Variants in RBM6 observed in about 807,000 individuals in gnomAD.
RBM6 encodes RNA-binding protein 6.
RBM6 carries 23 observed loss-of-function variants against 140.4 expected under a neutral mutation model. The ratio of observed to expected loss-of-function variants is 0.16; its 90% confidence interval spans 0.12 to 0.23. The LOEUF is 0.23. Among genes scored for constraint, RBM6 ranks in the 10% least tolerant of loss-of-function variants. RBM6 has a pLI of 1.00. For synonymous variants in RBM6, 439 were observed against 475.6 expected, an observed-to-expected ratio of 0.92 and a Z score of 1.00; for missense variants, 1,139 against 1,386.7, an observed-to-expected ratio of 0.82 and a Z score of 2.84.
chr3:50,021,102 AG>A (rs1341975517), intron 6 of RBM6, among the ~76,000 whole-genome samples: 1 of 152,168 alleles, frequency 6.6e-6, no homozygotes, highest in African/African-American at 2.4e-5. Context: ...AAACTGGAAA[AG>A]GTATGTTTTA....
intron 13 of RBM6, 55 bp downstream of exon 13, chr3:50,061,276 T>G: frequency 6.2e-7 from 1 of 1,611,396 alleles, no homozygotes. Context: ...TTGCTACTCA[T>G]TACTTGACAT....
chr3:50,063,643 G>A (rs1052805990), intron 15 of RBM6, among the ~76,000 whole-genome samples: 4 of 151,410 alleles, frequency 2.6e-5, no homozygotes, highest in African/African-American at 9.7e-5. Context: ...GCTCATGCCT[G>A]TAATCCCAGC....
chr3:50,006,426 G>T (rs1438454766), intron 6 of RBM6, among the ~76,000 whole-genome samples: 2 of 152,044 alleles, frequency 1.3e-5, no homozygotes, highest in Non-Finnish European at 2.9e-5. Context: ...GTGAGCCACT[G>T]TGCCCAGCCC....
In RBM6 at chr3:49,955,860, CTGTG is replaced by C. The variant is rs146300035; in HGVS notation, c.-66-6694_-66-6691del. ...TCTCTCTGTGTCTCTCTCTCTCTCT[CTGTG>C]TGTGTGTGTGTGTGTGTGTGTATAT... On this transcript the variant is annotated intron_variant, in intron 1 of 20. Coordinates refer to ENST00000266022, the MANE Select transcript of RBM6 (RefSeq NM_005777.3). Among the ~76,000 whole-genome samples, 171 of 145,572 alleles carry C rather than the reference CTGTG, an allele frequency of 1.2e-3. 1 individual carries two copies. Among genetic ancestry groups the C allele is most frequent in the Admixed American group, 1.9e-3 (27 of 14,192 alleles).
intron 6 of RBM6, among the ~76,000 whole-genome samples, chr3:50,025,627 G>A: frequency 1.1e-5 from 1 of 94,172 alleles, no homozygotes; most frequent in Non-Finnish European, 2.2e-5. Context: ...GTGTCACTAT[G>A]TTGCCCAGGC....
chr3:50,048,046 C>G (rs971462288), intron 6 of RBM6, among the ~76,000 whole-genome samples, 199 bp from the exon 7 acceptor site: 1 of 152,182 alleles, frequency 6.6e-6, no homozygotes, highest in African/African-American at 2.4e-5. Context: ...TCTCGTACTC[C>G]CCTTTCCTAA....
At chr3:50,061,033 A>T in intron 12 of RBM6, 35 bp downstream of exon 12, 1 of 1,598,624 alleles carries the variant, frequency 6.3e-7, no homozygotes, top group Non-Finnish European at 8.5e-7. Context: ...CTCTATTAAA[A>T]TCCTCAGGTG....
chr3:50,023,659 T>G (rs944858007), intron 6 of RBM6, among the ~76,000 whole-genome samples: 1 of 148,758 alleles, frequency 6.7e-6, no homozygotes, highest in Admixed American at 6.7e-5. Flanking sequence ...TTGGTGATTT[T>G]TTTTTTTTTT....
intron 16 of RBM6, chr3:50,065,529 T>C (rs1172575928): frequency 4.4e-6 from 2 of 458,578 alleles, no homozygotes; most frequent in African/African-American, 4.0e-5. Flanking sequence ...TTTTTTATAG[T>C]TTCTGCCTGT....
chr3:50,003,927 T>C (rs1329284311), intron 6 of RBM6, among the ~76,000 whole-genome samples: 3 of 152,246 alleles, frequency 2.0e-5, no homozygotes, highest in Non-Finnish European at 4.4e-5. Flanking sequence ...TCATATGCCC[T>C]TGGCTTTCTT....
At chr3:50,007,464 G>A (rs558582286) in intron 6 of RBM6, among the ~76,000 whole-genome samples, 1 of 151,802 alleles carries the variant, frequency 6.6e-6, no homozygotes, top group Non-Finnish European at 1.5e-5. Context: ...CTGGATTACA[G>A]GAGTGAGCTA....
intron 6 of RBM6, among the ~76,000 whole-genome samples, chr3:50,040,581 T>C (rs557624572): frequency 6.7e-6 from 1 of 149,786 alleles, no homozygotes; most frequent in South Asian, 2.1e-4. Flanking sequence ...TCTATAGATA[T>C]ATACATATAT....
intron 6 of RBM6, among the ~76,000 whole-genome samples, chr3:50,039,102 GA>G (rs11359914): frequency 0.61 from 92,498 of 151,770 alleles, 28,687 homozygotes; most frequent in East Asian, 0.88. Flanking sequence ...CAGGAAAGAG[GA>G]AAAAAATAAG....
At chr3:50,059,113 G>C (rs894756780) in intron 10 of RBM6, among the ~76,000 whole-genome samples, 1 of 151,940 alleles carries the variant, frequency 6.6e-6, no homozygotes, top group Admixed American at 6.6e-5. Context: ...CAACTTACTC[G>C]CTTGTGAAGA....
intron 5 of RBM6, among the ~76,000 whole-genome samples, chr3:49,984,611 A>ATCGCATCGCATCGCATCG (rs1559552690): frequency 8.4e-4 from 72 of 86,138 alleles, no homozygotes; most frequent in African/African-American, 2.0e-3. Context: ...ACATCACATC[A>ATCGCATCGCATCGCATCG]CATCGCATCG....
chr3:49,982,773 A>G (rs1252611728), intron 5 of RBM6, among the ~76,000 whole-genome samples: 1 of 151,616 alleles, frequency 6.6e-6, no homozygotes, highest in African/African-American at 2.4e-5. Context: ...GCTGGAGTGC[A>G]GTGGTGCAAT....
intron 1 of RBM6, among the ~76,000 whole-genome samples, chr3:49,954,476 C>G (rs907473127): frequency 7.3e-5 from 11 of 151,668 alleles, no homozygotes; most frequent in Non-Finnish European, 1.5e-4. Context: ...AAGACAAGGT[C>G]TCAATATTTG....
chr3:50,051,974 A>G (rs2089486623), intron 7 of RBM6, among the ~76,000 whole-genome samples: 1 of 152,238 alleles, frequency 6.6e-6, no homozygotes, highest in South Asian at 2.1e-4. Flanking sequence ...TGGGGTGATG[A>G]AAATGTTTCA....
At chr3:49,992,615 C>T (rs1316105775) in intron 5 of RBM6, among the ~76,000 whole-genome samples, 1 of 152,194 alleles carries the variant, frequency 6.6e-6, no homozygotes, top group African/African-American at 2.4e-5. Context: ...TGACTGCAAT[C>T]ACATGGTGAG....
Sources: allele counts gnomAD v4.1 joint callset (sites outside exome capture counted in the v4.1 genomes callset), GRCh38; gene constraint gnomAD v4.1.1; transcripts MANE v1.5; gene names NCBI Gene and HGNC (gene_info 2026-07-23, HGNC 2026-07-21).